TBC1D16: variants seen among roughly 807,000 people sequenced by gnomAD.
TBC1D16 encodes the protein CTD-2529O21.1.
Under a neutral mutation model 74.7 loss-of-function variants are expected in TBC1D16, and 58 were observed. The ratio of observed to expected loss-of-function variants is 0.78; its 90% CI spans 0.63 to 0.97. The LOEUF (loss-of-function observed/expected upper bound fraction) is 0.97, where lower values mean the gene tolerates loss of function less well. Ranked by LOEUF, TBC1D16 falls within the 50% of genes least tolerant of loss-of-function variation. The pLI is 0.00. For synonymous variants in TBC1D16, 493 were observed against 474.7 expected, an observed-to-expected ratio of 1.04 and a Z score of -0.50; for missense variants, 1,014 against 1,079.5, an observed-to-expected ratio of 0.94 and a Z score of 0.85.
intron 1 of TBC1D16, among the ~76,000 whole-genome samples, chr17:80,030,496 A>C (rs2143422821): frequency 6.6e-6 from 1 of 152,314 alleles, no homozygotes; most frequent in South Asian, 2.1e-4. Context: ...GGGCTTCATC[A>C]GTTCCCAAAC....
chr17:79,939,724 T>C lies in TBC1D16; in HGVS notation c.*1135A>G, dbSNP rs1389154544. ...ATCTTTTGGAAGAGGGAGAGTCTGT[T>C]GGGAAGACCTCATTCCCACATAGAA... On this transcript the variant is annotated 3_prime_UTR_variant, in exon 12 of 12. Transcript: ENST00000310924. The C allele has an allele frequency of 6.6e-6, 1 of 152,144 alleles. No homozygotes were observed. The highest frequency in any genetic ancestry group is 1.5e-5 in the Non-Finnish European group (1 of 68,022). 9.4% of individuals were successfully genotyped at this position (152,144 alleles called of 1,614,324 possible). A position where few individuals can be genotyped will look rare whatever the true frequency, so the allele number is the denominator to read the frequency against.
chr17:80,025,127 ACACACC>A (rs1423191437), intron 1 of TBC1D16, among the ~76,000 whole-genome samples: 144 of 3,248 alleles, frequency 0.044, 17 homozygotes, highest in African/African-American at 0.13. Flanking sequence ...ACAGACACAC[ACACACC>A]ATAGGCACAC....
chr17:80,013,906 C>T (rs1289117144), intron 1 of TBC1D16, among the ~76,000 whole-genome samples: 4 of 152,160 alleles, frequency 2.6e-5, no homozygotes, highest in Admixed American at 2.0e-4. Context: ...AGGGCAAAAT[C>T]CCTCCCAAGG....
Position 80,010,105 on chromosome 17 carries a change from C to T in TBC1D16, c.779+55G>A. ...GGTGACGCAGGTGAGTGCTTCCTGC[C>T]CAGGTCAGGCCTTGGGGGCCTCCCG... On this transcript the variant is annotated intron_variant, in intron 3 of 11. Transcript: ENST00000310924. This position sits in a 1 kb window ranked among gnomAD's most constrained non-coding sequence, Gnocchi z 8.8. 5 of 1,448,968 alleles carry T rather than the reference C, an allele frequency of 3.5e-6. No individual in the cohort carries two copies. The highest frequency in any genetic ancestry group is 4.7e-6 in the Non-Finnish European group (5 of 1,066,406). 89.8% of individuals were successfully genotyped at this position (1,448,968 alleles called of 1,614,324 possible).
chr17:80,028,609 G>A (rs1363832285), intron 1 of TBC1D16, among the ~76,000 whole-genome samples: 1 of 149,928 alleles, frequency 6.7e-6, no homozygotes. Flanking sequence ...CATCAGACCG[G>A]GGCATGATGA....
At chr17:79,959,317 T>A (rs7222939) in intron 3 of TBC1D16, among the ~76,000 whole-genome samples, 22,760 of 152,172 alleles carry the variant, frequency 0.15, 1,880 homozygotes, top group African/African-American at 0.23. Flanking sequence ...AAGATGACAA[T>A]CTTGCCAAAC....
chr17:79,946,288 C>A (rs998934069), intron 9 of TBC1D16, among the ~76,000 whole-genome samples: 1 of 152,254 alleles, frequency 6.6e-6, no homozygotes, highest in Non-Finnish European at 1.5e-5. Context: ...AAGCAGTACA[C>A]AACCTAGACC....
At position 80,010,608 on chromosome 17, in the gene TBC1D16, G is replaced by A. The variant is rs748684793; in HGVS notation, c.331C>T (p.Pro111Ser). The A allele has an allele frequency of 4.2e-5, 66 of 1,584,622 alleles. No individual in the cohort carries two copies. Among genetic ancestry groups the A allele is most frequent in the Admixed American group, 7.5e-5 (4 of 53,642 alleles). Residue 111 changes from proline to serine, a missense_variant, in exon 3 of 12, where the codon CCT (proline) becomes TCT (serine). Coordinates refer to ENST00000310924, the MANE Select transcript of TBC1D16 (RefSeq NM_019020.4). The surrounding 1 kb of genome is among the most constrained non-coding windows in gnomAD (Gnocchi z 8.8). ...ESSPVRKAPR[P>S]RGRRTRSSGA... is the part of the protein sequence containing the mutation. ...GAGCTCCGGGTGCGCCGGCCCCGAG[G>A]GCGGGGTGCCTTGCGAACGGGGGAG...
At position 79,988,886 on chromosome 17, in the gene TBC1D16, T is replaced by C. The variant is rs2034953920; in HGVS notation, c.779+21274A>G. On this transcript the variant is annotated intron_variant, in intron 3 of 11. Transcript: ENST00000310924. This position sits in a 1 kb window ranked among gnomAD's most constrained non-coding sequence, Gnocchi z 5.7. ...TTCTGGGCTCTGCTGGGCTGGACGG[T>C]GCCACCCTCCCCAACCCGCACCTGC... 6.6e-6 allele frequency among the ~76,000 whole-genome samples: 1 copy of C among 152,152 alleles called. No individual in the cohort carries two copies.
At chr17:80,019,418 G>A (rs1211133729) in intron 1 of TBC1D16, among the ~76,000 whole-genome samples, 2 of 142,466 alleles carry the variant, frequency 1.4e-5, no homozygotes, top group African/African-American at 5.7e-5. Flanking sequence ...TCCATCACCC[G>A]CCACCTGGGA....
At chr17:79,947,895 GCA>G in intron 8 of TBC1D16, 64 bp from the exon 9 acceptor site, 4 of 1,411,006 alleles carry the variant, frequency 2.8e-6, no homozygotes, top group Non-Finnish European at 3.9e-6. Context: ...TGCCCAGCCT[GCA>G]GAACCCTGGG....
chr17:79,990,849 C>G lies in TBC1D16; in HGVS notation c.779+19311G>C, dbSNP rs2035030274. Among the ~76,000 whole-genome samples the G allele has an allele frequency of 6.6e-6, 1 of 152,236 alleles. No homozygotes were observed. The highest frequency in any genetic ancestry group is 1.5e-5 in the Non-Finnish European group (1 of 68,048). On this transcript the variant is annotated intron_variant, in intron 3 of 11. Transcript: ENST00000310924. The surrounding 1 kb of genome is among the most constrained non-coding windows in gnomAD (Gnocchi z 4.8). ...AAGTGGAATCACACAGATTTGGCCC[C>G]TTATGTCTGGCTCATTTCACTCGGC...
intron 3 of TBC1D16, among the ~76,000 whole-genome samples, chr17:80,005,031 A>G (rs762414473): frequency 2.6e-5 from 4 of 151,932 alleles, no homozygotes; most frequent in Non-Finnish European, 5.9e-5. Flanking sequence ...CAGAGGAGAC[A>G]TTTTCACTTA....
intron 3 of TBC1D16, among the ~76,000 whole-genome samples, chr17:79,992,497 G>A (rs1222531640): frequency 6.6e-6 from 1 of 152,194 alleles, no homozygotes; most frequent in African/African-American, 2.4e-5. Flanking sequence ...GAGAGAGACC[G>A]TAGCTACCAA....
intron 2 of TBC1D16, among the ~76,000 whole-genome samples, chr17:80,011,371 C>A (rs1234484425): frequency 6.6e-6 from 1 of 152,108 alleles, no homozygotes; most frequent in East Asian, 1.9e-4. Context: ...TCCAAGTACA[C>A]CAGGGGCTCT....
intron 3 of TBC1D16, among the ~76,000 whole-genome samples, chr17:79,977,550 A>G (rs1253203130): frequency 1.3e-5 from 2 of 152,234 alleles, no homozygotes; most frequent in Non-Finnish European, 2.9e-5. Flanking sequence ...GTGACGGAGG[A>G]GAGAGAGCTC....
At chr17:80,029,213 C>A (rs1376013973) in intron 1 of TBC1D16, among the ~76,000 whole-genome samples, 7 of 151,962 alleles carry the variant, frequency 4.6e-5, no homozygotes, top group African/African-American at 1.5e-4. Context: ...GCTTCCAGGA[C>A]GAGAGCGCTT....
rs184779986 is a variant in TBC1D16, at chr17:79,954,720, C to T, written c.780-1902G>A. ...ATCTGCTCATTGAACCGCGGGGCTG[C>T]TGTGACTGTGAGAGCTGCTGCCCCG... is the stretch of plus-strand genomic sequence containing the variant. On this transcript the variant is annotated intron_variant, in intron 3 of 11. Coordinates refer to ENST00000310924, the MANE Select transcript of TBC1D16 (RefSeq NM_019020.4). The surrounding 1 kb of genome is among the most constrained non-coding windows in gnomAD (Gnocchi z 5.5). Among the ~76,000 whole-genome samples, 1,170 of 152,304 alleles carry T rather than the reference C, an allele frequency of 7.7e-3. 6 individuals carry two copies. The highest frequency in any genetic ancestry group is 0.012 in the Non-Finnish European group (840 of 68,006).
rs919411874 is a variant in TBC1D16 at position 79,985,090 on chromosome 17, G to GT, written c.779+25069_779+25070insA. On this transcript the variant is annotated intron_variant, in intron 3 of 11. Coordinates refer to ENST00000310924, the MANE Select transcript of TBC1D16 (RefSeq NM_019020.4). The surrounding 1 kb of genome is among the most constrained non-coding windows in gnomAD (Gnocchi z 4.9). ...AAAGTCAAGGTGCTAGTCGGGCCGC[G>GT]CCCCCTCTGAAGGCTCCAGGCAAGA... Among the ~76,000 whole-genome samples the GT allele has an allele frequency of 2.6e-5, 4 of 152,072 alleles. No homozygotes were observed. Among genetic ancestry groups the GT allele is most frequent in the African/African-American group, 9.7e-5 (4 of 41,380 alleles).
Sources: allele counts gnomAD v4.1 joint callset (sites outside exome capture counted in the v4.1 genomes callset), GRCh38; gene constraint gnomAD v4.1.1; non-coding constraint Gnocchi (gnomAD v3.1); transcripts MANE v1.5; gene names NCBI Gene and HGNC (gene_info 2026-07-23, HGNC 2026-07-21).